Variants in BRINP1 observed in about 807,000 individuals in gnomAD.
The protein encoded by BRINP1 is BMP/retinoic acid inducible neural specific 1.
Under a neutral mutation model 72.9 loss-of-function variants are expected in BRINP1, and 17 were observed. The observed-to-expected ratio is 0.23, with a 90% CI of 0.16 to 0.35. BRINP1 has a LOEUF of 0.35. BRINP1 is among the 10% of genes least tolerant of loss of function. The probability of loss-of-function intolerance (pLI) is 1.00; values close to 1 mark genes in which losing one functional copy is unlikely to be tolerated. For missense variants in BRINP1, 850 were observed against 1,001.6 expected (o/e 0.85, Z 2.04); for synonymous variants, 418 against 378.5 (o/e 1.10, Z -1.21).
Position 119,207,217 on chromosome 9 carries a change from G to T in BRINP1, c.1145+1502C>A, listed in dbSNP as rs80004200. Among the ~76,000 whole-genome samples the T allele has an allele frequency of 4.6e-5, 7 of 152,236 alleles. No individual in the cohort carries two copies. The East Asian group carries it at 1.2e-3, about 25-fold the overall frequency. On this transcript the variant is annotated intron_variant, in intron 7 of 7. Transcript: ENST00000265922. ...TAGCTCTGACGCAAGAAAAACGAGA[G>T]AAAAAAGGGTGCACCTCATCGGGGT...
At chr9:119,315,763 A>C (rs998738557) in intron 1 of BRINP1, among the ~76,000 whole-genome samples, 1 of 152,224 alleles carries the variant, frequency 6.6e-6, no homozygotes, top group African/African-American at 2.4e-5. Flanking sequence ...ATGATAAGAA[A>C]GCAAAACAGC....
chr9:119,275,862 T>A (rs1312204072), intron 2 of BRINP1, among the ~76,000 whole-genome samples: 2 of 151,992 alleles, frequency 1.3e-5, no homozygotes, highest in African/African-American at 2.4e-5. Context: ...TAACCCTGGA[T>A]TCCTTAAAAG....
Position 119,367,221 on chromosome 9 carries a change from G to GTGATATATATAT in BRINP1, c.-51+1834_-51+1835insATATATATATCA, listed in dbSNP as rs1564259756. Among the ~76,000 whole-genome samples the GTGATATATATAT allele has an allele frequency of 1.2e-3, 124 of 99,870 alleles. 2 individuals are homozygous for GTGATATATATAT. The highest frequency in any genetic ancestry group is 1.7e-3 in the Admixed American group (14 of 8,456). 65.5% of individuals were successfully genotyped at this position (99,870 alleles called of 152,430 possible). ...TGTGTGTGTGTGTGTGTGTGTGATT[G>GTGATATATATAT]ATATATATATATATATATATATCTT... On this transcript the variant is annotated intron_variant, in intron 1 of 7. Transcript: ENST00000265922.
chr9:119,203,474 G>A (rs1469972207), intron 7 of BRINP1, among the ~76,000 whole-genome samples: 1 of 152,104 alleles, frequency 6.6e-6, no homozygotes, highest in Non-Finnish European at 1.5e-5. Context: ...GGGGGAAAAA[G>A]AATAAGAACA....
chr9:119,203,279 A>G (rs531619558), intron 7 of BRINP1, among the ~76,000 whole-genome samples: 100 of 152,276 alleles, frequency 6.6e-4, no homozygotes, highest in African/African-American at 2.3e-3. Flanking sequence ...TTACCTGCCC[A>G]TGTGACCTTG....
intron 7 of BRINP1, among the ~76,000 whole-genome samples, chr9:119,203,956 G>GA (rs1329842735): frequency 6.6e-6 from 1 of 152,140 alleles, no homozygotes; most frequent in Non-Finnish European, 1.5e-5. Flanking sequence ...TTGGCCAACA[G>GA]AATGTGGTAC....
intron 2 of BRINP1, among the ~76,000 whole-genome samples, chr9:119,272,160 C>A (rs1187904159): frequency 6.6e-6 from 1 of 150,936 alleles, no homozygotes; most frequent in Non-Finnish European, 1.5e-5. Context: ...CTCAATGCAA[C>A]CTCCGCCTCC....
chr9:119,242,275 G>A lies in BRINP1; in HGVS notation c.410-59C>T. 1.0e-5 allele frequency: 5 copies of A among 491,776 alleles called. No individual in the cohort carries two copies. In the South Asian group the frequency reaches 2.6e-4, roughly 26 times the overall value. 30.5% of individuals were successfully genotyped at this position (491,776 alleles called of 1,614,324 possible). ...GTGGAGCTTTCATGTGAGAGGACAG[G>A]GATGGGACCTGGATGCTGAAAACAG... On this transcript the variant is annotated intron_variant, in intron 3 of 7. Transcript: ENST00000265922.
At chr9:119,343,273 T>A (rs1421194705) in intron 1 of BRINP1, among the ~76,000 whole-genome samples, 1 of 152,166 alleles carries the variant, frequency 6.6e-6, no homozygotes, top group Admixed American at 6.5e-5. Context: ...GAATGAGATA[T>A]GGAGTCAGTG....
At chr9:119,204,951 G>C (rs1829838066) in intron 7 of BRINP1, among the ~76,000 whole-genome samples, 1 of 152,196 alleles carries the variant, frequency 6.6e-6, no homozygotes, top group Admixed American at 6.5e-5. Flanking sequence ...TGTGGCACCT[G>C]CTGCAGTAAT....
chr9:119,168,452 A>G (rs530614873), intron 7 of BRINP1, among the ~76,000 whole-genome samples: 5 of 152,244 alleles, frequency 3.3e-5, no homozygotes, highest in African/African-American at 1.2e-4. Context: ...CTAATGTTCA[A>G]TGTCCTCATC....
At chr9:119,185,052 G>C (rs1168992554) in intron 7 of BRINP1, among the ~76,000 whole-genome samples, 1 of 152,162 alleles carries the variant, frequency 6.6e-6, no homozygotes, top group African/African-American at 2.4e-5. Context: ...GATGAATGGA[G>C]TTTTAGCTCA....
intron 3 of BRINP1, among the ~76,000 whole-genome samples, chr9:119,242,596 C>G (rs1828653936): frequency 6.6e-6 from 1 of 152,006 alleles, no homozygotes; most frequent in African/African-American, 2.4e-5. Context: ...TCCTTTGTCT[C>G]CTCATTATCA....
intron 2 of BRINP1, among the ~76,000 whole-genome samples, chr9:119,264,148 G>T (rs1443145561): frequency 6.6e-6 from 1 of 152,188 alleles, no homozygotes; most frequent in Non-Finnish European, 1.5e-5. Flanking sequence ...GGCAGAGGTG[G>T]CAATTAAATC....
intron 2 of BRINP1, among the ~76,000 whole-genome samples, chr9:119,306,187 A>G (rs1830996096): frequency 3.3e-5 from 5 of 152,222 alleles, no homozygotes; most frequent in Admixed American, 6.5e-5. Context: ...TTTGTAACTC[A>G]CAGAAGTCAG....
At chr9:119,239,109 A>G (rs1830221053) in intron 4 of BRINP1, among the ~76,000 whole-genome samples, 3 of 152,332 alleles carry the variant, frequency 2.0e-5, no homozygotes, top group African/African-American at 7.2e-5. Context: ...TAGGCCATGT[A>G]TTTACCCTGG....
intron 7 of BRINP1, among the ~76,000 whole-genome samples, chr9:119,203,727 C>T (rs150517600): frequency 1.9e-4 from 29 of 152,278 alleles, no homozygotes; most frequent in African/African-American, 6.5e-4. Context: ...TACAAATAGA[C>T]AACTCTATTG....
intron 7 of BRINP1, among the ~76,000 whole-genome samples, chr9:119,204,665 T>C (rs1361374359): frequency 6.6e-6 from 1 of 152,214 alleles, no homozygotes; most frequent in African/African-American, 2.4e-5. Context: ...TGTCTCTTAC[T>C]CTCTCCCTTC....
At chr9:119,309,465 A>G (rs747028600) in intron 2 of BRINP1, among the ~76,000 whole-genome samples, 3 of 152,242 alleles carry the variant, frequency 2.0e-5, no homozygotes, top group Non-Finnish European at 4.4e-5. Flanking sequence ...GATATGGGAC[A>G]ATAATAGTAT....
Sources: gnomAD v4.1 joint callset for allele counts (sites outside exome capture counted in the v4.1 genomes callset) on GRCh38, gnomAD v4.1.1 for gene constraint, MANE v1.5 for transcripts, NCBI Gene and HGNC (gene_info 2026-07-23, HGNC 2026-07-21) for gene names.